FGF9: variants seen among roughly 807,000 people sequenced by gnomAD.
The protein encoded by FGF9 is fibroblast growth factor 9.
In FGF9, 3 loss-of-function variants were observed where a neutral mutation model predicts 19.9. That is an observed-to-expected ratio of 0.15 (90% CI 0.07 to 0.39). The LOEUF (loss-of-function observed/expected upper bound fraction) is 0.39. Ranked by LOEUF, FGF9 falls within the 10% of genes least tolerant of loss-of-function variation. The pLI, the probability that FGF9 is intolerant of heterozygous loss-of-function variation, is 1.00. For missense variants in FGF9, 175 were observed against 256.8 expected, an observed-to-expected ratio of 0.68 and a Z score of 2.18; for synonymous variants, 107 against 106.9, an observed-to-expected ratio of 1.00 and a Z score of -0.01.
In FGF9 at chr13:21,702,586, A is replaced by G. The variant is rs1489624496; in HGVS notation, c.*1151A>G. 1.3e-5 allele frequency: 2 copies of G among 152,228 alleles called. No individual in the cohort carries two copies. Among genetic ancestry groups the G allele is most frequent in the African/African-American group, 4.8e-5 (2 of 41,460 alleles). 9.4% of individuals were successfully genotyped at this position (152,228 alleles called of 1,614,324 possible). A position where few individuals can be genotyped will look rare whatever the true frequency, so the allele number is the denominator to read the frequency against. ...ACATCAAACATTGTATTGATTTAGA[A>G]TTCTCAAAAAAGGAAAAAAAAGTAC... is the stretch of plus-strand genomic sequence containing the variant. On this transcript the variant is annotated 3_prime_UTR_variant, in exon 3 of 3. Coordinates refer to ENST00000382353, the MANE Select transcript of FGF9 (RefSeq NM_002010.3).
intron 2 of FGF9, among the ~76,000 whole-genome samples, chr13:21,699,961 G>A (rs1324188826): frequency 6.6e-6 from 1 of 152,034 alleles, no homozygotes; most frequent in African/African-American, 2.4e-5. Context: ...TTCTCTAGGG[G>A]CCAGCTTCAA....
At chr13:21,679,148 T>C (rs1871981146) in intron 1 of FGF9, among the ~76,000 whole-genome samples, 2 of 152,350 alleles carry the variant, frequency 1.3e-5, no homozygotes, top group African/African-American at 4.8e-5. Flanking sequence ...AGTCATAGAT[T>C]ATCAGATTCA....
At chr13:21,689,165 T>C (rs1872230315) in intron 2 of FGF9, among the ~76,000 whole-genome samples, 1 of 152,196 alleles carries the variant, frequency 6.6e-6, no homozygotes, top group Non-Finnish European at 1.5e-5. Flanking sequence ...CGCTGGATTT[T>C]ACTCTCTTCC....
intron 1 of FGF9, among the ~76,000 whole-genome samples, chr13:21,676,981 G>A (rs1304988451): frequency 1.3e-5 from 2 of 152,266 alleles, no homozygotes; most frequent in South Asian, 2.1e-4. Flanking sequence ...AGGAAGGTCC[G>A]GTGTGGTGAT....
chr13:21,700,931 T>A (rs1872524257), intron 2 of FGF9, among the ~76,000 whole-genome samples: 1 of 152,200 alleles, frequency 6.6e-6, no homozygotes, highest in African/African-American at 2.4e-5. Flanking sequence ...TGTTTTCTCA[T>A]GGGGGTTATA....
In FGF9 at chr13:21,681,134, C is replaced by T; in HGVS notation, c.370C>T (p.Leu124=). The T allele has an allele frequency of 6.2e-7, 1 of 1,610,644 alleles. No homozygotes were observed. Residue 124 remains leucine (L), a synonymous_variant, in exon 2 of 3, where the codon CTG becomes TTG. Coordinates refer to ENST00000382353, the MANE Select transcript of FGF9 (RefSeq NM_002010.3). ...LYLGMNEKGE[L]YGSEKLTQEC... is the part of the protein sequence containing the mutation. ...CCTCGGGATGAATGAGAAGGGGGAG[C>T]TGTATGGATCAGTAAGTACTGGAGG...
At chr13:21,681,213 G>A (rs1322927902) in intron 2 of FGF9, 68 bp downstream of exon 2, 2 of 1,190,288 alleles carry the variant, frequency 1.7e-6, no homozygotes, top group Non-Finnish European at 2.5e-6. Context: ...CTTTTCTCTG[G>A]ATTAAAAAGG....
chr13:21,682,841 T>C (rs1872073754), intron 2 of FGF9, among the ~76,000 whole-genome samples: 1 of 151,892 alleles, frequency 6.6e-6, no homozygotes, highest in Non-Finnish European at 1.5e-5. Context: ...GGCCTCCAAA[T>C]TTTTTGATCA....
At chr13:21,695,304 C>G (rs1397247399) in intron 2 of FGF9, among the ~76,000 whole-genome samples, 3 of 152,050 alleles carry the variant, frequency 2.0e-5, no homozygotes, top group Admixed American at 2.0e-4. Flanking sequence ...AATGGCCTAC[C>G]TACTTGGTTT....
intron 2 of FGF9, among the ~76,000 whole-genome samples, chr13:21,689,811 T>C (rs6490667): frequency 0.28 from 42,269 of 152,142 alleles, 7,144 homozygotes; most frequent in East Asian, 0.42. Flanking sequence ...AGAAGTCTGA[T>C]CAGCTTGTAA....
At position 21,688,402 on chromosome 13, in the gene FGF9, A is replaced by G. The variant is rs79643138; in HGVS notation, c.381+7257A>G. Among the ~76,000 whole-genome samples, 401 of 152,298 alleles carry G rather than the reference A, an allele frequency of 2.6e-3. 1 individual carries two copies. Among genetic ancestry groups the G allele is most frequent in the African/African-American group, 9.1e-3 (380 of 41,572 alleles). The stretch of plus-strand genomic sequence containing the variant: ...TGAGCATTGCCTTATGCTGTGTTTC[A>G]TATGTGCGTGACCAATTTTCAAAGA... On this transcript the variant is annotated intron_variant, in intron 2 of 2. Transcript: ENST00000382353.
rs1871759220 is a variant in FGF9 at position 21,671,236 on chromosome 13, G to A, written c.-677G>A. 1 of 225,884 alleles carries A rather than the reference G, an allele frequency of 4.4e-6. No homozygotes were observed. Among genetic ancestry groups the A allele is most frequent in the African/African-American group, 2.3e-5 (1 of 44,394 alleles). 14.0% of individuals were successfully genotyped at this position (225,884 alleles called of 1,614,324 possible). A position where few individuals can be genotyped will look rare whatever the true frequency, so the allele number is the denominator to read the frequency against. On this transcript the variant is annotated 5_prime_UTR_variant, in exon 1 of 3. It removes an upstream start codon present in the reference 5' UTR. Coordinates refer to ENST00000382353, the MANE Select transcript of FGF9 (RefSeq NM_002010.3). ...CGCTCGCCACCCGTTCTAAGCCAATGGACATCTGCCGAGCCTCTGGAGAAT... is the reference window on the plus strand; with the variant it reads ...CGCTCGCCACCCGTTCTAAGCCAATAGACATCTGCCGAGCCTCTGGAGAAT...
rs1298770878 is a variant in FGF9, at chr13:21,671,351, A to AT, written c.-559dup. The AT allele has an allele frequency of 2.5e-6, 1 of 393,934 alleles. No individual in the cohort carries two copies. Among genetic ancestry groups the AT allele is most frequent in the Admixed American group, 4.4e-5 (1 of 22,592 alleles). 24.4% of individuals were successfully genotyped at this position (393,934 alleles called of 1,614,324 possible). A position where few individuals can be genotyped will look rare whatever the true frequency, so the allele number is the denominator to read the frequency against. On this transcript the variant is annotated 5_prime_UTR_variant, in exon 1 of 3. Transcript: ENST00000382353. ...TTTGGAGGGGGGACCGGGAGGGGAG[A>AT]TTTGTCGCCGCCACCAACGTGAGAT...
intron 2 of FGF9, among the ~76,000 whole-genome samples, chr13:21,683,127 T>A (rs1872081798): frequency 6.6e-6 from 1 of 152,252 alleles, no homozygotes; most frequent in Non-Finnish European, 1.5e-5. Flanking sequence ...AGTTGAGAGC[T>A]GACCAGTCTT....
Position 21,701,307 on chromosome 13 carries a change from A to G in FGF9, c.499A>G (p.Asn167Asp). ...TGGAAGGCGATACTATGTTGCATTA[A>G]ATAAAGATGGGACCCCGAGAGAAGG... is the stretch of plus-strand genomic sequence containing the variant. The part of the protein sequence containing the change: ...DTGRRYYVAL[N>D]KDGTPREGTR... Residue 167 changes from asparagine to aspartate, a missense_variant, in exon 3 of 3, where the codon AAT becomes GAT. By Grantham distance (23) the Asn-to-Asp change is conservative. Coordinates refer to ENST00000382353, the MANE Select transcript of FGF9 (RefSeq NM_002010.3). 6.2e-7 allele frequency: 1 copy of G among 1,614,202 alleles called. No individual in the cohort carries two copies. Among genetic ancestry groups the G allele is most frequent in the Non-Finnish European group, 8.5e-7 (1 of 1,180,036 alleles).
chr13:21,682,544 G>A (rs763630707), intron 2 of FGF9, among the ~76,000 whole-genome samples: 2 of 151,924 alleles, frequency 1.3e-5, no homozygotes, highest in Non-Finnish European at 2.9e-5. Flanking sequence ...ATTGACTTTA[G>A]CTTTTTAAAC....
chr13:21,676,218 C>G (rs1871911844), intron 1 of FGF9, among the ~76,000 whole-genome samples: 1 of 152,114 alleles, frequency 6.6e-6, no homozygotes, highest in Non-Finnish European at 1.5e-5. Context: ...AGTCTGTTCC[C>G]TTTTTGGCTG....
Position 21,691,088 on chromosome 13 carries a change from C to T in FGF9, c.381+9943C>T, listed in dbSNP as rs1872279738. Among the ~76,000 whole-genome samples, 1 of 152,122 alleles carries T rather than the reference C, an allele frequency of 6.6e-6. No homozygotes were observed. Among genetic ancestry groups the T allele is most frequent in the South Asian group, 2.1e-4 (1 of 4,826 alleles). On this transcript the variant is annotated intron_variant, in intron 2 of 2. Coordinates refer to ENST00000382353, the MANE Select transcript of FGF9 (RefSeq NM_002010.3). The surrounding 1 kb of genome is among the most constrained non-coding windows in gnomAD (Gnocchi z 4.2). ...TCACAGGAACCCAACCCTGTATTTC[C>T]CCCGGGAGCAATGGTTCAGTATTCT...
rs539354257 is a variant in FGF9, at chr13:21,689,016, A to G, written c.381+7871A>G. Among the ~76,000 whole-genome samples, 131 of 152,354 alleles carry G rather than the reference A, an allele frequency of 8.6e-4. 1 individual carries two copies. Among genetic ancestry groups the G allele is most frequent in the African/African-American group, 3.0e-3 (125 of 41,582 alleles). ...TATTTTAAATTATTAGTTGCTCAGC[A>G]GAGACATTTCCCGTCTGGGATGCGA... On this transcript the variant is annotated intron_variant, in intron 2 of 2. Coordinates refer to ENST00000382353, the MANE Select transcript of FGF9 (RefSeq NM_002010.3).
Sources: allele counts gnomAD v4.1 joint callset (sites outside exome capture counted in the v4.1 genomes callset), GRCh38; gene constraint gnomAD v4.1.1; non-coding constraint Gnocchi (gnomAD v3.1); transcripts MANE v1.5; gene names NCBI Gene and HGNC (gene_info 2026-07-23, HGNC 2026-07-21).